The following RSPO3 variants were observed in gnomAD, a reference collection of about 807,000 sequenced individuals.
The protein encoded by RSPO3 is R-spondin-3.
RSPO3 carries 17 observed loss-of-function variants against 36.5 expected under a neutral mutation model. The observed-to-expected ratio is 0.47, with a 90% CI of 0.32 to 0.70. The LOEUF (loss-of-function observed/expected upper bound fraction) is 0.70. RSPO3 is among the 30% of genes least tolerant of loss of function. The pLI is 0.04. For synonymous variants in RSPO3, 108 were observed against 107.0 expected (o/e 1.01, Z -0.06); for missense variants, 294 against 322.5 (o/e 0.91, Z 0.68).
intron 3 of RSPO3, 48 bp downstream of exon 3, chr6:127,150,620 A>C: frequency 6.5e-7 from 1 of 1,546,262 alleles, no homozygotes; most frequent in Non-Finnish European, 8.7e-7. Flanking sequence ...GTCAGTCTCC[A>C]TGGAGGTGCT....
At position 127,197,725 on chromosome 6, in the gene RSPO3, T is replaced by C. The variant is rs1315763060; in HGVS notation, c.*1718T>C. ...TACTTGGCTTAATTGATTTTCCACT[T>C]CTCTCTTCCTCTTCTAAGATATAAA... is the stretch of plus-strand genomic sequence containing the variant. On this transcript the variant is annotated 3_prime_UTR_variant, in exon 5 of 5. Coordinates refer to ENST00000356698, the MANE Select transcript of RSPO3 (RefSeq NM_032784.5). 3.9e-6 allele frequency: 2 copies of C among 517,192 alleles called. No homozygotes were observed. The highest frequency in any genetic ancestry group is 3.6e-5 in the Admixed American group (1 of 27,420). The allele number at this position is 517,192 out of a possible 1,614,324, so 32.0% of individuals were successfully genotyped here.
intron 1 of RSPO3, among the ~76,000 whole-genome samples, chr6:127,129,774 T>C (rs1462713338): frequency 6.6e-6 from 1 of 152,054 alleles, no homozygotes; most frequent in Non-Finnish European, 1.5e-5. Flanking sequence ...CGTGCCCACA[T>C]AGAGAACTCC....
At chr6:127,152,395 A>G (rs1012159351) in intron 3 of RSPO3, among the ~76,000 whole-genome samples, 1 of 152,140 alleles carries the variant, frequency 6.6e-6, no homozygotes, top group East Asian at 1.9e-4. Context: ...CCTTTAGGCC[A>G]GTCCAGAATT....
At chr6:127,191,874 C>T (rs1269044000) in intron 4 of RSPO3, among the ~76,000 whole-genome samples, 1 of 152,178 alleles carries the variant, frequency 6.6e-6, no homozygotes, top group Non-Finnish European at 1.5e-5. Flanking sequence ...CCCAACATGG[C>T]AATTGAAGCC....
At chr6:127,149,086 C>G (rs985866320) in intron 2 of RSPO3, among the ~76,000 whole-genome samples, 1 of 152,080 alleles carries the variant, frequency 6.6e-6, no homozygotes, top group Non-Finnish European at 1.5e-5. Context: ...ATGATTATTG[C>G]TCATTGAACC....
intron 1 of RSPO3, among the ~76,000 whole-genome samples, chr6:127,140,295 T>C (rs950026592): frequency 1.3e-5 from 2 of 152,180 alleles, no homozygotes; most frequent in African/African-American, 2.4e-5. Flanking sequence ...TTTGTTCTTA[T>C]GACCTTTCAT....
chr6:127,167,897 G>A (rs1229570833), intron 4 of RSPO3, among the ~76,000 whole-genome samples: 1 of 151,844 alleles, frequency 6.6e-6, no homozygotes, highest in African/African-American at 2.4e-5. Flanking sequence ...TGCTGAGAAT[G>A]ATGGTTTCCA....
chr6:127,193,382 CCAAAA>C (rs776273070), intron 4 of RSPO3, among the ~76,000 whole-genome samples: 1 of 152,132 alleles, frequency 6.6e-6, no homozygotes, highest in Non-Finnish European at 1.5e-5. Context: ...TCTTATGTGT[CCAAAA>C]CATTATGGTT....
chr6:127,174,273 A>G (rs1392074277), intron 4 of RSPO3, among the ~76,000 whole-genome samples: 1 of 151,922 alleles, frequency 6.6e-6, no homozygotes, highest in Non-Finnish European at 1.5e-5. Context: ...AAGATGTGGT[A>G]AAACCTACTA....
At chr6:127,157,528 T>C (rs1055993384) in intron 4 of RSPO3, among the ~76,000 whole-genome samples, 1 of 152,070 alleles carries the variant, frequency 6.6e-6, no homozygotes, top group Non-Finnish European at 1.5e-5. Context: ...TTTGAAATAG[T>C]AACCTGTGAC....
At chr6:127,142,117 TAATG>T (rs1418662254) in intron 1 of RSPO3, among the ~76,000 whole-genome samples, 1 of 152,132 alleles carries the variant, frequency 6.6e-6, no homozygotes, top group Non-Finnish European at 1.5e-5. Context: ...TAAAAAATAA[TAATG>T]AATAAACCTG....
At chr6:127,165,349 A>C (rs1343215358) in intron 4 of RSPO3, among the ~76,000 whole-genome samples, 10 of 152,094 alleles carry the variant, frequency 6.6e-5, no homozygotes, top group Admixed American at 5.3e-4. Flanking sequence ...ATTTCTCAGA[A>C]TAATAAGTAC....
At chr6:127,139,718 A>G (rs1449941577) in intron 1 of RSPO3, among the ~76,000 whole-genome samples, 5 of 152,018 alleles carry the variant, frequency 3.3e-5, no homozygotes, top group Non-Finnish European at 7.4e-5. Flanking sequence ...GTTATTACCT[A>G]CTAACTCATC....
chr6:127,164,142 G>A (rs1470045901), intron 4 of RSPO3, among the ~76,000 whole-genome samples: 2 of 152,026 alleles, frequency 1.3e-5, no homozygotes, highest in African/African-American at 2.4e-5. Context: ...CCAATCTCAC[G>A]AAAGGATTCC....
At chr6:127,148,935 T>A (rs1315277813) in intron 2 of RSPO3, 96 bp downstream of exon 2, 3 of 935,794 alleles carry the variant, frequency 3.2e-6, no homozygotes, top group Non-Finnish European at 3.1e-6. Flanking sequence ...CAATGTTAAG[T>A]AAATGATAAT....
intron 4 of RSPO3, among the ~76,000 whole-genome samples, chr6:127,179,331 T>C (rs1318115169): frequency 6.6e-6 from 1 of 151,862 alleles, no homozygotes; most frequent in African/African-American, 2.4e-5. Flanking sequence ...TTCTTTCTGA[T>C]GCTCCGCTTC....
chr6:127,120,913 G>C (rs529679053), intron 1 of RSPO3, among the ~76,000 whole-genome samples: 1 of 152,256 alleles, frequency 6.6e-6, no homozygotes, highest in Admixed American at 6.5e-5. Flanking sequence ...CGGAAGGGGA[G>C]GCCTGGGGTT....
chr6:127,135,520 A>G (rs1774138690), intron 1 of RSPO3, among the ~76,000 whole-genome samples: 1 of 151,828 alleles, frequency 6.6e-6, no homozygotes, highest in Non-Finnish European at 1.5e-5. Flanking sequence ...GAAGATGTGA[A>G]CTCTATTAAT....
intron 1 of RSPO3, among the ~76,000 whole-genome samples, chr6:127,126,534 A>G (rs1773942270): frequency 6.6e-6 from 1 of 152,084 alleles, no homozygotes. Flanking sequence ...TTGTTGCCAA[A>G]TCTTGCAGCT....
Sources: allele counts gnomAD v4.1 joint callset (sites outside exome capture counted in the v4.1 genomes callset), GRCh38; gene constraint gnomAD v4.1.1; transcripts MANE v1.5; gene names NCBI Gene and HGNC (gene_info 2026-07-23, HGNC 2026-07-21).